Variants in LEKR1 observed in about 807,000 individuals in gnomAD.
LEKR1 encodes the protein leucine, glutamate and lysine rich 1.
A neutral mutation model predicts 72.4 loss-of-function variants in LEKR1; 59 were observed. That is an observed-to-expected ratio of 0.82 (90% CI 0.66 to 1.01). The LOEUF (loss-of-function observed/expected upper bound fraction) is 1.01, where lower values mean the gene tolerates loss of function less well. Ranked by LOEUF, LEKR1 falls within the 50% of genes least tolerant of loss-of-function variation. The pLI is 0.00. For missense variants in LEKR1, 728 were observed against 759.2 expected (o/e 0.96, Z 0.48); for synonymous variants, 257 against 263.2 (o/e 0.98, Z 0.23).
intron 3 of LEKR1, among the ~76,000 whole-genome samples, chr3:156,910,446 T>C (rs1257816709): frequency 1.3e-5 from 2 of 152,182 alleles, no homozygotes; most frequent in East Asian, 3.8e-4. Flanking sequence ...CTGTGGGAGA[T>C]AATTGAATCA....
intron 3 of LEKR1, among the ~76,000 whole-genome samples, chr3:156,909,467 C>T (rs530575207): frequency 3.4e-4 from 52 of 151,872 alleles, no homozygotes; most frequent in Non-Finnish European, 5.0e-4. Flanking sequence ...CTGGCTAACA[C>T]GGTGAAACCC....
chr3:156,828,368 GATTGAATAC>G (rs1484273909), intron 1 of LEKR1, among the ~76,000 whole-genome samples: 1 of 152,152 alleles, frequency 6.6e-6, no homozygotes, highest in African/African-American at 2.4e-5. Flanking sequence ...ATCCTGCCCT[GATTGAATAC>G]AAGCAACCTC....
intron 5 of LEKR1, 48 bp from the exon 6 acceptor site, chr3:156,942,481 T>G (rs900084440): frequency 1.1e-5 from 7 of 618,120 alleles, no homozygotes; most frequent in Admixed American, 4.5e-5. Flanking sequence ...GAGAAATGTT[T>G]TATGATTCAA....
chr3:156,848,252 C>T (rs982123602), intron 2 of LEKR1, among the ~76,000 whole-genome samples: 5 of 152,114 alleles, frequency 3.3e-5, no homozygotes, highest in Admixed American at 3.3e-4. Context: ...CATAGGATTG[C>T]AGAGCCACTC....
chr3:156,831,037 A>G (rs1004417342), intron 2 of LEKR1, among the ~76,000 whole-genome samples: 2 of 152,178 alleles, frequency 1.3e-5, no homozygotes, highest in Non-Finnish European at 2.9e-5. Context: ...GGCATGTGGC[A>G]GATGGAGTTA....
At chr3:156,831,376 T>A (rs1348677612) in intron 2 of LEKR1, among the ~76,000 whole-genome samples, 1 of 152,180 alleles carries the variant, frequency 6.6e-6, no homozygotes, top group Middle Eastern at 3.2e-3. Flanking sequence ...CCCCTCTAAT[T>A]CTCTTAACCT....
rs371625943 is a variant in LEKR1, at chr3:156,887,750, G to T, written c.264-32825G>T. 2.4e-4 allele frequency among the ~76,000 whole-genome samples: 37 copies of T among 152,116 alleles called. No individual in the cohort carries two copies. The East Asian group carries it at 4.4e-3, about 18-fold the overall frequency. On this transcript the variant is annotated intron_variant, in intron 3 of 12. Transcript: ENST00000356539. ...ATTTAAAACTGAGCATAGTTTTTGT[G>T]TTACAGTTCTGGGATTGGGGTAATC... is the stretch of plus-strand genomic sequence containing the variant.
chr3:156,880,684 A>C (rs1719197330), intron 3 of LEKR1, among the ~76,000 whole-genome samples: 1 of 152,244 alleles, frequency 6.6e-6, no homozygotes, highest in Admixed American at 6.5e-5. Flanking sequence ...AAAGCCGGGC[A>C]GAGACACAAC....
intron 2 of LEKR1, among the ~76,000 whole-genome samples, chr3:156,830,688 A>G (rs1327255659): frequency 6.6e-6 from 1 of 152,200 alleles, no homozygotes; most frequent in Non-Finnish European, 1.5e-5. Context: ...GAAAAAACAA[A>G]GTCATTCCAC....
At chr3:156,839,116 C>A (rs921977095) in intron 2 of LEKR1, among the ~76,000 whole-genome samples, 1 of 152,166 alleles carries the variant, frequency 6.6e-6, no homozygotes, top group Admixed American at 6.5e-5. Context: ...TTGTTTTGTG[C>A]AAATGTAGTC....
intron 5 of LEKR1, among the ~76,000 whole-genome samples, chr3:156,929,444 C>A (rs900491695): frequency 1.3e-5 from 2 of 152,058 alleles, no homozygotes; most frequent in Admixed American, 1.3e-4. Context: ...ACATAGTAGA[C>A]TTTGCTTAAA....
intron 2 of LEKR1, among the ~76,000 whole-genome samples, chr3:156,834,502 A>T (rs1490816907): frequency 6.6e-6 from 1 of 152,184 alleles, no homozygotes; most frequent in African/African-American, 2.4e-5. Context: ...TCCTTTATAT[A>T]ACTTGTATAT....
chr3:156,901,209 C>T (rs570560377), intron 3 of LEKR1, among the ~76,000 whole-genome samples: 21 of 152,126 alleles, frequency 1.4e-4, no homozygotes, highest in African/African-American at 4.6e-4. Flanking sequence ...CTGCAGACAA[C>T]GTCATTCCTT....
rs1454964542 is a variant in LEKR1 at position 156,852,995 on chromosome 3, T to C, written c.263+13T>C. 1 of 1,499,622 alleles carries C rather than the reference T, an allele frequency of 6.7e-7. No homozygotes were observed. The highest frequency in any genetic ancestry group is 1.2e-5 in the South Asian group (1 of 81,746). 92.9% of individuals were successfully genotyped at this position (1,499,622 alleles called of 1,614,324 possible). On this transcript the variant is annotated intron_variant, in intron 3 of 12. Transcript: ENST00000356539. ...CCAAAACAGAAAGGTTGAGTATGTT[T>C]TTCTTTTCTATCATTTATTTAGTTG...
At chr3:156,840,875 T>C (rs970980110) in intron 2 of LEKR1, among the ~76,000 whole-genome samples, 1 of 152,212 alleles carries the variant, frequency 6.6e-6, no homozygotes, top group African/African-American at 2.4e-5. Flanking sequence ...TTATATATAT[T>C]TGAAGACATG....
At chr3:156,990,729 A>T (rs530421247) in intron 7 of LEKR1, among the ~76,000 whole-genome samples, 1 of 152,194 alleles carries the variant, frequency 6.6e-6, no homozygotes, top group South Asian at 2.1e-4. Flanking sequence ...AGCCCCTTCA[A>T]ACTGGCTCTT....
At chr3:156,997,352 A>G (rs1002009761) in intron 9 of LEKR1, among the ~76,000 whole-genome samples, 2 of 152,194 alleles carry the variant, frequency 1.3e-5, no homozygotes, top group African/African-American at 4.8e-5. Context: ...TTTGATTTGA[A>G]GCACCAATGG....
At chr3:156,933,866 G>T (rs1725468809) in intron 5 of LEKR1, among the ~76,000 whole-genome samples, 2 of 152,078 alleles carry the variant, frequency 1.3e-5, no homozygotes, top group South Asian at 4.2e-4. Context: ...TTGTGTAGAG[G>T]AACAACCCTC....
At chr3:156,840,962 A>G (rs1046731315) in intron 2 of LEKR1, among the ~76,000 whole-genome samples, 2 of 152,312 alleles carry the variant, frequency 1.3e-5, no homozygotes, top group Admixed American at 6.5e-5. Context: ...AAAGAAACAA[A>G]GCAAAGCAAA....
Sources: gnomAD v4.1 joint callset for allele counts (sites outside exome capture counted in the v4.1 genomes callset) on GRCh38, gnomAD v4.1.1 for gene constraint, MANE v1.5 for transcripts, NCBI Gene and HGNC (gene_info 2026-07-23, HGNC 2026-07-21) for gene names.